The following PAPPA variants were observed in gnomAD, a reference collection of about 807,000 sequenced individuals.
The protein encoded by PAPPA is pappalysin 1, also known as pappalysin-1.
In PAPPA, 60 loss-of-function variants were observed where a neutral mutation model predicts 164.0. That is an observed-to-expected ratio of 0.37 (90% CI 0.30 to 0.45). The LOEUF (loss-of-function observed/expected upper bound fraction) is 0.45. PAPPA is among the 20% of genes least tolerant of loss of function. The probability of loss-of-function intolerance (pLI) is 1.00; values close to 1 mark genes in which losing one functional copy is unlikely to be tolerated. For synonymous variants in PAPPA, 875 were observed against 814.1 expected, an observed-to-expected ratio of 1.07 and a Z score of -1.27; for missense variants, 1,782 against 2,087.3, an observed-to-expected ratio of 0.85 and a Z score of 2.85.
chr9:116,258,688 T>C (rs771428788), intron 7 of PAPPA, among the ~76,000 whole-genome samples: 65 of 151,854 alleles, frequency 4.3e-4, no homozygotes, highest in Middle Eastern at 3.4e-3. Context: ...AAAAAAATTA[T>C]GAAAGTACTG....
At chr9:116,246,801 G>T (rs1844801803) in intron 7 of PAPPA, among the ~76,000 whole-genome samples, 1 of 152,150 alleles carries the variant, frequency 6.6e-6, no homozygotes, top group Non-Finnish European at 1.5e-5. Flanking sequence ...GACTGCTTGA[G>T]CCAAAGAGTT....
intron 1 of PAPPA, among the ~76,000 whole-genome samples, chr9:116,162,016 C>A (rs1191969514): frequency 6.6e-6 from 1 of 152,126 alleles, no homozygotes; most frequent in East Asian, 1.9e-4. Flanking sequence ...AAAGTCGTGA[C>A]ACAGCCCAGG....
At chr9:116,329,254 C>T (rs1845959806) in intron 10 of PAPPA, among the ~76,000 whole-genome samples, 2 of 152,152 alleles carry the variant, frequency 1.3e-5, no homozygotes, top group African/African-American at 4.8e-5. Context: ...TGGTCCCGTT[C>T]ATTGGAGCCC....
Position 116,187,282 on chromosome 9 carries a change from G to C in PAPPA, c.544G>C (p.Val182Leu), listed in dbSNP as rs754952986. 1.2e-6 allele frequency: 2 copies of C among 1,614,170 alleles called. No individual in the cohort carries two copies. The highest frequency in any genetic ancestry group is 2.2e-5 in the South Asian group (2 of 91,080). Residue 182 changes from valine to leucine, a missense_variant, in exon 2 of 22, where the codon GTG becomes CTG. Val to Leu is a conservative substitution (Grantham distance 32, BLOSUM62 1). Around this residue, in one of 2 missense-constraint regions of PAPPA, gnomAD observed 458 missense variants for 430.3 expected, o/e 1.06. Transcript: ENST00000328252. This position sits in a 1 kb window ranked among gnomAD's most constrained non-coding sequence, Gnocchi z 4.2. ...FSLKTDRARQ[V>L]TTINAHRSYL... The stretch of plus-strand genomic sequence containing the variant: ...CTTGAAGACAGACCGAGCCCGGCAA[G>C]TGACCACCATCAATGCCCACCGCAG...
chr9:116,398,883 C>T lies in PAPPA; in HGVS notation c.*2267C>T, dbSNP rs781697192. On this transcript the variant is annotated 3_prime_UTR_variant, in exon 22 of 22. Transcript: ENST00000328252. Reference sequence around the variant, plus strand: ...AGAATTGATCCTATTTTGAACCCCTCTCCAGTATCTTCACACTCTTGTCAA... The same window carrying T: ...AGAATTGATCCTATTTTGAACCCCTTTCCAGTATCTTCACACTCTTGTCAA... 4 of 360,822 alleles carry T rather than the reference C, an allele frequency of 1.1e-5. No individual in the cohort carries two copies. The highest frequency in any genetic ancestry group is 2.2e-5 in the Non-Finnish European group (4 of 183,844). 22.4% of individuals were successfully genotyped at this position (360,822 alleles called of 1,614,324 possible).
At chr9:116,360,206 A>G (rs918666738) in intron 17 of PAPPA, among the ~76,000 whole-genome samples, 1 of 152,186 alleles carries the variant, frequency 6.6e-6, no homozygotes, top group African/African-American at 2.4e-5. Context: ...ATTGGGGTCA[A>G]TTTCCTACTC....
intron 10 of PAPPA, chr9:116,316,672 A>G (rs970743906): frequency 4.6e-5 from 7 of 152,242 alleles, no homozygotes; most frequent in African/African-American, 1.7e-4. Context: ...CCAGGGAGAA[A>G]TACCACTTTT....
chr9:116,312,617 T>C (rs949841809), intron 10 of PAPPA, among the ~76,000 whole-genome samples: 38 of 152,216 alleles, frequency 2.5e-4, no homozygotes, highest in African/African-American at 8.2e-4. Context: ...ATTTTGTTTT[T>C]ATTTTTGTAC....
Position 116,265,988 on chromosome 9 carries a change from A to G in PAPPA, c.2861+3A>G. The G allele has an allele frequency of 6.3e-7, 1 of 1,596,360 alleles. No individual in the cohort carries two copies. Among genetic ancestry groups the G allele is most frequent in the South Asian group, 1.1e-5 (1 of 90,094 alleles). ...TGTGGCGATGGCATTATACAAAAGT[A>G]AGTAGATCTAATTAAAGAAAGAAGA... On this transcript the variant is annotated splice_donor_region_variant and intron_variant, in intron 8 of 21. Coordinates refer to ENST00000328252, the MANE Select transcript of PAPPA (RefSeq NM_002581.5).
chr9:116,321,274 G>A (rs912140904), intron 10 of PAPPA, among the ~76,000 whole-genome samples: 3 of 152,062 alleles, frequency 2.0e-5, no homozygotes, highest in Non-Finnish European at 4.4e-5. Context: ...TGATCCGCCC[G>A]CCTCAGCCTC....
At chr9:116,259,422 A>G (rs1844974929) in intron 7 of PAPPA, among the ~76,000 whole-genome samples, 1 of 152,144 alleles carries the variant, frequency 6.6e-6, no homozygotes, top group Non-Finnish European at 1.5e-5. Flanking sequence ...ATTAATATCC[A>G]GTATATGTAA....
intron 10 of PAPPA, among the ~76,000 whole-genome samples, chr9:116,320,988 A>G (rs1588002774): frequency 6.6e-6 from 1 of 151,968 alleles, no homozygotes; most frequent in South Asian, 2.1e-4. Context: ...CATTATATGC[A>G]TTAACTGAGA....
At chr9:116,367,217 T>C (rs995781569) in intron 18 of PAPPA, among the ~76,000 whole-genome samples, 2 of 152,164 alleles carry the variant, frequency 1.3e-5, no homozygotes, top group African/African-American at 2.4e-5. Context: ...GGATGAGAAT[T>C]GTGGGACTCA....
At chr9:116,180,434 G>A (rs1843890369) in intron 1 of PAPPA, among the ~76,000 whole-genome samples, 1 of 152,136 alleles carries the variant, frequency 6.6e-6, no homozygotes, top group Non-Finnish European at 1.5e-5. Flanking sequence ...CTACATCTCA[G>A]TTTCCTTATC....
At chr9:116,298,954 A>G (rs757952493) in intron 9 of PAPPA, among the ~76,000 whole-genome samples, 25 of 152,150 alleles carry the variant, frequency 1.6e-4, no homozygotes, top group Non-Finnish European at 3.4e-4. Flanking sequence ...TGAAAACAAG[A>G]CCAGTTTGTT....
chr9:116,395,326 G>T (rs1183602322), intron 21 of PAPPA, among the ~76,000 whole-genome samples: 3 of 151,922 alleles, frequency 2.0e-5, no homozygotes, highest in Non-Finnish European at 4.4e-5. Context: ...GAAAAAAGAA[G>T]AGGTAGACAT....
intron 7 of PAPPA, 105 bp downstream of exon 7, chr9:116,235,742 G>T: frequency 9.3e-7 from 1 of 1,071,574 alleles, no homozygotes; most frequent in Non-Finnish European, 1.4e-6. Context: ...TCACAGTCAA[G>T]ACTCACTCTA....
intron 4 of PAPPA, among the ~76,000 whole-genome samples, chr9:116,213,045 G>A (rs535481630): frequency 6.6e-6 from 1 of 152,182 alleles, no homozygotes; most frequent in Non-Finnish European, 1.5e-5. Context: ...AGAGCTAGCT[G>A]ATGGTTGAGT....
intron 21 of PAPPA, among the ~76,000 whole-genome samples, chr9:116,395,617 T>C (rs1460440658): frequency 1.3e-5 from 2 of 152,216 alleles, no homozygotes; most frequent in Non-Finnish European, 2.9e-5. Flanking sequence ...CTCACTCTGT[T>C]GGGCTCTTCC....
Sources: allele counts gnomAD v4.1 joint callset (sites outside exome capture counted in the v4.1 genomes callset), GRCh38; gene constraint gnomAD v4.1.1; regional missense constraint gnomAD v4.1.1; non-coding constraint Gnocchi (gnomAD v3.1); transcripts MANE v1.5; gene names NCBI Gene and HGNC (gene_info 2026-07-23, HGNC 2026-07-21).